HSPG2: variants seen among roughly 807,000 people sequenced by gnomAD.
The protein encoded by HSPG2 is heparan sulfate proteoglycan 2, also known as basement membrane-specific heparan sulfate proteoglycan core protein.
HSPG2 carries 278 observed loss-of-function variants against 526.6 expected under a neutral mutation model. The observed-to-expected ratio is 0.53, with a 90% confidence interval of 0.48 to 0.58. The LOEUF (loss-of-function observed/expected upper bound fraction) is 0.58, where lower values mean the gene tolerates loss of function less well. Among genes scored for constraint, HSPG2 ranks in the 20% least tolerant of loss-of-function variants. The pLI, the probability that HSPG2 is intolerant of heterozygous loss-of-function variation, is 0.00. For synonymous variants in HSPG2, 2,465 were observed against 2,555.4 expected (o/e 0.96, Z 1.07); for missense variants, 5,354 against 6,099.5 (o/e 0.88, Z 4.07).
In HSPG2 at chr1:21,829,044, G is replaced by A; in HGVS notation, c.12028C>T (p.Leu4010=). ...AVLRSAEPLA[L]GRWHRVSAER... ...GCAGACACACGGTGCCAGCGGCCCA[G>A]GGCCAGCGGCTCGGCGCTCCGCAGA... is the stretch of plus-strand genomic sequence containing the variant. Residue 4010 remains leucine (L), a synonymous_variant, in exon 88 of 97, where the codon CTG becomes TTG. Transcript: ENST00000374695. 6.5e-7 allele frequency: 1 copy of A among 1,548,442 alleles called. No individual in the cohort carries two copies. The highest frequency in any genetic ancestry group is 8.7e-7 in the Non-Finnish European group (1 of 1,147,508).
At position 21,893,301 on chromosome 1, in the gene HSPG2, G is replaced by A. The variant is rs989865306; in HGVS notation, c.245-2607C>T. On this transcript the variant is annotated intron_variant, in intron 3 of 96. Coordinates refer to ENST00000374695, the MANE Select transcript of HSPG2 (RefSeq NM_005529.7). This position sits in a 1 kb window ranked among gnomAD's most constrained non-coding sequence, Gnocchi z 4.3. ...AGGGCTGCTGCACCCATCTCTGCCC[G>A]TCAACACCCCATGGGGAAGAACGCC... Among the ~76,000 whole-genome samples, 4 of 152,112 alleles carry A rather than the reference G, an allele frequency of 2.6e-5. No individual in the cohort carries two copies. Among genetic ancestry groups the A allele is most frequent in the African/African-American group, 4.8e-5 (2 of 41,422 alleles).
chr1:21,851,012 G>A (rs113969153), intron 55 of HSPG2, among the ~76,000 whole-genome samples: 17,840 of 146,518 alleles, frequency 0.12, 1,265 homozygotes, highest in South Asian at 0.23. Context: ...TCGCTCTGTT[G>A]CCCAGGCTGG....
chr1:21,900,789 G>A (rs150768594), intron 1 of HSPG2, among the ~76,000 whole-genome samples: 6 of 152,228 alleles, frequency 3.9e-5, no homozygotes, highest in Non-Finnish European at 5.9e-5. Flanking sequence ...GGAGGCTGAG[G>A]TAGGAGAATT....
rs1638982126 is a variant in HSPG2 at position 21,852,523 on chromosome 1, CA to C, written c.6724+176del. ...CGCCTGAGGAGTCATGTGGCCAAAG[CA>C]AAGTGTGACGGGAAGGCGGTGGTTA... On this transcript the variant is annotated intron_variant, in intron 52 of 96. Transcript: ENST00000374695. 2.6e-5 allele frequency among the ~76,000 whole-genome samples: 4 copies of C among 152,318 alleles called. No homozygotes were observed. The South Asian group carries it at 6.2e-4, about 24-fold the overall frequency.
At chr1:21,924,439 C>T (rs1644130265) in intron 1 of HSPG2, among the ~76,000 whole-genome samples, 1 of 152,082 alleles carries the variant, frequency 6.6e-6, no homozygotes, top group South Asian at 2.1e-4. Flanking sequence ...ATGGTGGGCT[C>T]CTTGAGGTGC....
intron 17 of HSPG2, among the ~76,000 whole-genome samples, chr1:21,879,839 A>T (rs1408731693): frequency 6.6e-6 from 1 of 152,044 alleles, no homozygotes; most frequent in East Asian, 1.9e-4. Flanking sequence ...TTTTAGTAGA[A>T]ATGGGGTTTC....
intron 85 of HSPG2, chr1:21,830,708 A>AT (rs1208123634): frequency 5.2e-6 from 2 of 384,016 alleles, no homozygotes; most frequent in Non-Finnish European, 4.8e-6. Context: ...AAAAAAAAAA[A>AT]AAAAGATGGG....
Position 21,865,272 on chromosome 1 carries a change from A to T in HSPG2, c.4395+13T>A. ...GGGTGGGGTTAGACACAGCATGGCC[A>T]GGTGCCCCTTACCTCTCGGAACATG... On this transcript the variant is annotated intron_variant, in intron 35 of 96. Coordinates refer to ENST00000374695, the MANE Select transcript of HSPG2 (RefSeq NM_005529.7). The surrounding 1 kb of genome is among the most constrained non-coding windows in gnomAD (Gnocchi z 5.4). 1 of 1,613,246 alleles carries T rather than the reference A, an allele frequency of 6.2e-7. No homozygotes were observed.
intron 28 of HSPG2, 145 bp downstream of exon 28, chr1:21,874,261 G>A (rs1026187229): frequency 4.4e-6 from 5 of 1,135,716 alleles, no homozygotes; most frequent in Admixed American, 4.1e-5. Context: ...TGAAAGTGAA[G>A]TGTATCTCAC....
Position 21,872,564 on chromosome 1 carries a change from C to A in HSPG2, c.4029+56G>T. 3 of 1,551,306 alleles carry A rather than the reference C, an allele frequency of 1.9e-6. No individual in the cohort carries two copies. The highest frequency in any genetic ancestry group is 2.6e-6 in the Non-Finnish European group (3 of 1,146,486). On this transcript the variant is annotated intron_variant, in intron 32 of 96. Coordinates refer to ENST00000374695, the MANE Select transcript of HSPG2 (RefSeq NM_005529.7). The surrounding 1 kb of genome is among the most constrained non-coding windows in gnomAD (Gnocchi z 5.5). ...TCGCTGGGCTCAGTGCTCAGATGGA[C>A]AGTAACAGGCAGCAGGTGGCAACAC...
At chr1:21,921,936 GAA>G (rs2152798581) in intron 1 of HSPG2, among the ~76,000 whole-genome samples, 1 of 152,298 alleles carries the variant, frequency 6.6e-6, no homozygotes, top group South Asian at 2.1e-4. Flanking sequence ...GATCCCATAA[GAA>G]AAGAGTGTTG....
chr1:21,874,336 A>G, intron 28 of HSPG2, 70 bp downstream of exon 28: 1 of 1,594,638 alleles, frequency 6.3e-7, no homozygotes, highest in Admixed American at 1.7e-5. Flanking sequence ...AGGGCCCTGG[A>G]TGAAGCGGGT....
chr1:21,823,128 C>A lies in HSPG2; in HGVS notation c.*188G>T. The A allele has an allele frequency of 3.6e-6, 2 of 551,558 alleles. No individual in the cohort carries two copies. The highest frequency in any genetic ancestry group is 6.0e-6 in the Non-Finnish European group (2 of 333,484). 34.2% of individuals were successfully genotyped at this position (551,558 alleles called of 1,614,324 possible). A position where few individuals can be genotyped will look rare whatever the true frequency, so the allele number is the denominator to read the frequency against. On this transcript the variant is annotated 3_prime_UTR_variant, in exon 97 of 97. Transcript: ENST00000374695. ...CCATCCAACCTGCCTTGCTGGCCAG[C>A]CTTGTGGCTTTGCCCAGCTGTGTGT...
In HSPG2 at chr1:21,859,266, C is replaced by T. The variant is rs1639581887; in HGVS notation, c.5293+300G>A. 6.6e-6 allele frequency among the ~76,000 whole-genome samples: 1 copy of T among 152,126 alleles called. No individual in the cohort carries two copies. The highest frequency in any genetic ancestry group is 2.4e-5 in the African/African-American group (1 of 41,424). On this transcript the variant is annotated intron_variant, in intron 42 of 96. Transcript: ENST00000374695. The surrounding 1 kb of genome is among the most constrained non-coding windows in gnomAD (Gnocchi z 5.3). ...GTTTTACGACGTTGGCCAGGCTGGT[C>T]TCGAACTCCTGACCTCATGATCTGC...
Position 21,831,303 on chromosome 1 carries a change from A to G in HSPG2, c.11474T>C (p.Ile3825Thr), listed in dbSNP as rs1288035199. Residue 3825 changes from isoleucine (I) to threonine (T), a missense_variant, in exon 84 of 97, where the codon ATC becomes ACC. Coordinates refer to ENST00000374695, the MANE Select transcript of HSPG2 (RefSeq NM_005529.7). ...ATGGAAGACGATCTCCTCGCCCTGG[A>G]TGCGCAGCTCCCGGACACAGCCTGG... ...GFIGCVRELRIQGEEIVFHDL... is the reference protein window; with the variant it reads ...GFIGCVRELRTQGEEIVFHDL... 6.2e-7 allele frequency: 1 copy of G among 1,614,034 alleles called. No homozygotes were observed. Among genetic ancestry groups the G allele is most frequent in the Non-Finnish European group, 8.5e-7 (1 of 1,179,974 alleles).
Position 21,904,829 on chromosome 1 carries a change from G to T in HSPG2, c.64-8519C>A, listed in dbSNP as rs1314258089. Among the ~76,000 whole-genome samples the T allele has an allele frequency of 6.6e-6, 1 of 152,122 alleles. No individual in the cohort carries two copies. Among genetic ancestry groups the T allele is most frequent in the Non-Finnish European group, 1.5e-5 (1 of 68,018 alleles). On this transcript the variant is annotated intron_variant, in intron 1 of 96. Coordinates refer to ENST00000374695, the MANE Select transcript of HSPG2 (RefSeq NM_005529.7). The surrounding 1 kb of genome is among the most constrained non-coding windows in gnomAD (Gnocchi z 4.4). ...AGCCTCCTGCATGCAGCCTGGCTTGGTTCTCAGGTTCTCCGGCTCCCAGCT... is the reference window on the plus strand; with the variant it reads ...AGCCTCCTGCATGCAGCCTGGCTTGTTTCTCAGGTTCTCCGGCTCCCAGCT...
rs143431746 is a variant in HSPG2 at position 21,829,438 on chromosome 1, G to A, written c.11937C>T (p.Phe3979=). 2.8e-3 allele frequency: 4,470 copies of A among 1,613,410 alleles called. 12 individuals are homozygous for A. Among genetic ancestry groups the A allele is most frequent in the Non-Finnish European group, 3.4e-3 (4,053 of 1,179,878 alleles). The change falls in exon 87 of 97, where the codon TTC becomes TTT. Residue 3979 remains phenylalanine (F), a synonymous_variant. Coordinates refer to ENST00000374695, the MANE Select transcript of HSPG2 (RefSeq NM_005529.7). ...GGCCGCCCACCATCGCCAGGGACAC[G>A]AAGTCCTCCACAGGCCCGCTCTTCC... ...SGGKSGPVED[F]VSLAMVGGHL...
At position 21,852,194 on chromosome 1, in the gene HSPG2, G is replaced by C; in HGVS notation, c.6764C>G (p.Thr2255Arg). The C allele has an allele frequency of 6.2e-7, 1 of 1,614,110 alleles. No individual in the cohort carries two copies. ...ATCCAGGGTCTGGCCCTCGGCCACTGTGGAGGATGAAGACTCGATCCTGAC... is the reference window on the plus strand; with the variant it reads ...ATCCAGGGTCTGGCCCTCGGCCACTCTGGAGGATGAAGACTCGATCCTGAC... ...PPVRIESSSS[T>R]VAEGQTLDLS... Residue 2255 changes from threonine (T) to arginine (R), a missense_variant, in exon 53 of 97, where the codon ACA (threonine) becomes AGA (arginine). Thr to Arg is a moderately conservative substitution (Grantham distance 71). Transcript: ENST00000374695.
Position 21,887,473 on chromosome 1 carries a change from TA to T in HSPG2, c.904del (p.Tyr302ThrfsTer16). ...CRNGHCIPRDYLCDGQEDCED... is the reference protein window; with the variant it reads ...CRNGHCIPRDXLCDGQEDCED... ...GCAGTCCTCCTGTCCGTCGCAGAGG[TA>T]GTCTCTGGGGATGCAGTGCCCATTG... On this transcript the variant is annotated frameshift_variant, in exon 8 of 97. Transcript: ENST00000374695. LOFTEE classifies it high-confidence loss of function. This position sits in a 1 kb window ranked among gnomAD's most constrained non-coding sequence, Gnocchi z 5.0. 6.2e-7 allele frequency: 1 copy of T among 1,613,996 alleles called. No individual in the cohort carries two copies. Among genetic ancestry groups the T allele is most frequent in the Non-Finnish European group, 8.5e-7 (1 of 1,179,986 alleles).
Sources: allele counts gnomAD v4.1 joint callset (sites outside exome capture counted in the v4.1 genomes callset), GRCh38; gene constraint gnomAD v4.1.1; non-coding constraint Gnocchi (gnomAD v3.1); transcripts MANE v1.5; gene names NCBI Gene and HGNC (gene_info 2026-07-23, HGNC 2026-07-21).